Variants in VPS13B observed in about 807,000 individuals in gnomAD.
VPS13B encodes intermembrane lipid transfer protein VPS13B.
Under a neutral mutation model 426.4 loss-of-function variants are expected in VPS13B, and 285 were observed. That is an observed-to-expected ratio of 0.67 (90% confidence interval 0.61 to 0.74). The LOEUF is 0.74. Ranked by LOEUF, VPS13B falls within the 30% of genes least tolerant of loss-of-function variation. The probability of loss-of-function intolerance (pLI) is 0.00; values close to 1 mark genes in which losing one functional copy is unlikely to be tolerated. For synonymous variants in VPS13B, 1,676 were observed against 1,676.4 expected, an observed-to-expected ratio of 1.00 and a Z score of 0.01; for missense variants, 4,537 against 4,782.6, an observed-to-expected ratio of 0.95 and a Z score of 1.51.
intron 40 of VPS13B, among the ~76,000 whole-genome samples, chr8:99,773,614 T>C (rs1811615505): frequency 6.6e-6 from 1 of 152,304 alleles, no homozygotes; most frequent in East Asian, 1.9e-4. Context: ...CTAGGATATT[T>C]CCACTATCCT....
Position 99,639,704 on chromosome 8 carries a change from A to G in VPS13B, c.5221-2107A>G, listed in dbSNP as rs190132978. Among the ~76,000 whole-genome samples the G allele has an allele frequency of 5.0e-3, 740 of 148,708 alleles. 5 individuals are homozygous for G. Among genetic ancestry groups the G allele is most frequent in the African/African-American group, 0.017 (699 of 40,932 alleles). ...TTTTTTTTTACCAATCAAATTAAGGAGTTTTTAAAATAATAAGCAGCTTTG... is the reference window on the plus strand; with the variant it reads ...TTTTTTTTTACCAATCAAATTAAGGGGTTTTTAAAATAATAAGCAGCTTTG... On this transcript the variant is annotated intron_variant, in intron 33 of 61. Transcript: ENST00000357162.
At chr8:99,183,073 A>G (rs1174867726) in intron 16 of VPS13B, among the ~76,000 whole-genome samples, 3 of 151,996 alleles carry the variant, frequency 2.0e-5, no homozygotes, top group Non-Finnish European at 2.9e-5. Flanking sequence ...GCCGTCATGG[A>G]AAAAAAAGAG....
At chr8:99,132,398 A>G (rs938483403) in intron 8 of VPS13B, among the ~76,000 whole-genome samples, 1 of 152,164 alleles carries the variant, frequency 6.6e-6, no homozygotes, top group African/African-American at 2.4e-5. Context: ...TTCCACTTCT[A>G]AATCTAATTC....
At chr8:99,082,855 C>G (rs879558825) in intron 3 of VPS13B, among the ~76,000 whole-genome samples, 20 of 152,162 alleles carry the variant, frequency 1.3e-4, no homozygotes, top group South Asian at 6.2e-4. Context: ...TGCTGTTTTG[C>G]TTACTGTAGC....
intron 17 of VPS13B, among the ~76,000 whole-genome samples, chr8:99,216,424 A>G (rs547701622): frequency 9.9e-5 from 15 of 151,986 alleles, no homozygotes; most frequent in Admixed American, 7.9e-4. Flanking sequence ...TTACCTTTCA[A>G]TTGGATTATA....
chr8:99,151,666 T>G (rs1475361653), intron 14 of VPS13B, among the ~76,000 whole-genome samples: 1 of 152,076 alleles, frequency 6.6e-6, no homozygotes, highest in African/African-American at 2.4e-5. Context: ...CCTGAGTATC[T>G]GGGATTACAA....
At chr8:99,554,987 C>T (rs1181196417) in intron 30 of VPS13B, among the ~76,000 whole-genome samples, 1 of 152,126 alleles carries the variant, frequency 6.6e-6, no homozygotes, top group Non-Finnish European at 1.5e-5. Flanking sequence ...CCAGCTCCTA[C>T]CTTAGGAATC....
At chr8:99,353,736 A>G (rs2133217760) in intron 19 of VPS13B, among the ~76,000 whole-genome samples, 1 of 152,270 alleles carries the variant, frequency 6.6e-6, no homozygotes, top group Non-Finnish European at 1.5e-5. Context: ...AGTTTTGCCA[A>G]AATTCTGTTT....
At chr8:99,252,033 T>A (rs754293772) in intron 17 of VPS13B, among the ~76,000 whole-genome samples, 11 of 151,492 alleles carry the variant, frequency 7.3e-5, no homozygotes, top group Non-Finnish European at 1.3e-4. Flanking sequence ...AAATTTTAAA[T>A]ATAATTTCTT....
intron 33 of VPS13B, among the ~76,000 whole-genome samples, chr8:99,591,046 A>G (rs1038587585): frequency 2.0e-5 from 3 of 151,572 alleles, no homozygotes; most frequent in African/African-American, 7.3e-5. Flanking sequence ...TATATTTAGT[A>G]TAGTTAGCTC....
In VPS13B at chr8:99,634,521, A is replaced by ATGGG. The variant is rs1363228064; in HGVS notation, c.5221-7288_5221-7285dup. Among the ~76,000 whole-genome samples the ATGGG allele has an allele frequency of 3.2e-4, 49 of 152,030 alleles. 1 individual carries two copies. The highest frequency in any genetic ancestry group is 1.1e-3 in the African/African-American group (45 of 41,440). Reference sequence around the variant, plus strand: ...TTATCTTTCTGTCTGTTAAGCAGTGATGGGTATCATTAGTTCTGCTCTTTT... The same window carrying ATGGG: ...TTATCTTTCTGTCTGTTAAGCAGTGATGGGTGGGTATCATTAGTTCTGCTCTTTT... On this transcript the variant is annotated intron_variant, in intron 33 of 61. Coordinates refer to ENST00000357162, the MANE Select transcript of VPS13B (RefSeq NM_152564.5).
At chr8:99,523,022 G>A (rs1822453503) in intron 30 of VPS13B, among the ~76,000 whole-genome samples, 1 of 152,098 alleles carries the variant, frequency 6.6e-6, no homozygotes, top group South Asian at 2.1e-4. Context: ...AAATCTCAGT[G>A]AACTAGATGC....
chr8:99,342,311 A>G (rs1241603038), intron 19 of VPS13B, among the ~76,000 whole-genome samples: 6 of 152,186 alleles, frequency 3.9e-5, no homozygotes. Context: ...AATTGACTTC[A>G]GTCACTTTAT....
chr8:99,383,497 T>G (rs1382744003), intron 19 of VPS13B, among the ~76,000 whole-genome samples: 1 of 152,204 alleles, frequency 6.6e-6, no homozygotes, highest in African/African-American at 2.4e-5. Context: ...TCACTTTCTA[T>G]ACAATTATTT....
intron 33 of VPS13B, among the ~76,000 whole-genome samples, chr8:99,581,266 A>G (rs978158372): frequency 4.6e-5 from 7 of 152,156 alleles, no homozygotes; most frequent in Non-Finnish European, 4.4e-5. Flanking sequence ...AAAAATGCAC[A>G]TATCTTTGAA....
chr8:99,434,938 T>A (rs1004663908), intron 22 of VPS13B, among the ~76,000 whole-genome samples: 4 of 152,168 alleles, frequency 2.6e-5, no homozygotes, highest in Non-Finnish European at 5.9e-5. Context: ...ACTTAATTTT[T>A]GTTATATGTT....
At chr8:99,304,409 G>T (rs923048802) in intron 19 of VPS13B, among the ~76,000 whole-genome samples, 8 of 147,028 alleles carry the variant, frequency 5.4e-5, no homozygotes, top group Middle Eastern at 3.5e-3. Flanking sequence ...ATCATGTTTT[G>T]TTTTTTTTTT....
At chr8:99,422,143 C>A (rs1588357838) in intron 21 of VPS13B, among the ~76,000 whole-genome samples, 1 of 152,086 alleles carries the variant, frequency 6.6e-6, no homozygotes, top group East Asian at 1.9e-4. Context: ...ATTGTCTTTT[C>A]TTTTTTACAA....
At chr8:99,226,339 C>T (rs139156982) in intron 17 of VPS13B, among the ~76,000 whole-genome samples, 1 of 152,134 alleles carries the variant, frequency 6.6e-6, no homozygotes, top group East Asian at 1.9e-4. Flanking sequence ...ATCCTTCAGA[C>T]TGCTTTAGGT....
Sources: allele counts gnomAD v4.1 joint callset (sites outside exome capture counted in the v4.1 genomes callset), GRCh38; gene constraint gnomAD v4.1.1; transcripts MANE v1.5; gene names NCBI Gene and HGNC (gene_info 2026-07-23, HGNC 2026-07-21).